The following AMZ2 variants were observed in gnomAD, a reference collection of about 807,000 sequenced individuals.
AMZ2 encodes archaelysin family metallopeptidase 2.
A neutral mutation model predicts 36.7 loss-of-function variants in AMZ2; 26 were observed. The observed-to-expected ratio is 0.71, with a 90% CI of 0.52 to 0.98. The LOEUF (loss-of-function observed/expected upper bound fraction) is 0.98, where lower values mean the gene tolerates loss of function less well. AMZ2 is among the 50% of genes least tolerant of loss of function. The pLI is 0.00. For synonymous variants in AMZ2, 144 were observed against 149.1 expected, an observed-to-expected ratio of 0.97 and a Z score of 0.25; for missense variants, 394 against 430.5, an observed-to-expected ratio of 0.92 and a Z score of 0.75.
intron 2 of AMZ2, 146 bp downstream of exon 2, chr17:68,250,616 C>A: frequency 8.0e-7 from 1 of 1,250,856 alleles, no homozygotes; most frequent in African/African-American, 1.5e-5. Flanking sequence ...TGTAGCCAAA[C>A]TGACTTAAAA....
chr17:68,246,092 G>A (rs1206409546), upstream of AMZ2, among the ~76,000 whole-genome samples: 1 of 151,426 alleles, frequency 6.6e-6, no homozygotes, highest in Non-Finnish European at 1.5e-5. Context: ...GATCACCTGA[G>A]GTCAGGAGTT....
At chr17:68,246,755 C>T (rs1555735670), upstream of AMZ2, 4 of 152,118 alleles carry the variant, frequency 2.6e-5, no homozygotes. Flanking sequence ...AAGAGATCCT[C>T]GAAGTTGAAA....
At chr17:68,238,714 CT>C (rs1445416484) in intron 1 of AMZ2, among the ~76,000 whole-genome samples, 2 of 152,146 alleles carry the variant, frequency 1.3e-5, no homozygotes, top group Non-Finnish European at 2.9e-5. Flanking sequence ...TTACTGACTG[CT>C]TTGCGATTTG....
At chr17:68,238,729 C>CA (rs1431120915) in intron 1 of AMZ2, among the ~76,000 whole-genome samples, 2 of 152,140 alleles carry the variant, frequency 1.3e-5, no homozygotes, top group African/African-American at 2.4e-5. Context: ...CGATTTGTAG[C>CA]ATGACTGCTG....
intron 1 of AMZ2, chr17:68,206,881 A>C (rs1173209666): frequency 6.5e-6 from 1 of 153,426 alleles, no homozygotes; most frequent in Non-Finnish European, 1.4e-5. Context: ...GGGCCTGTGC[A>C]ACAGTTGCTG....
chr17:68,243,849 C>A (rs1424810041), upstream of AMZ2, among the ~76,000 whole-genome samples: 7 of 152,094 alleles, frequency 4.6e-5, no homozygotes, highest in Non-Finnish European at 8.8e-5. Flanking sequence ...AATAAATGAA[C>A]CTAACTATAT....
In AMZ2 at chr17:68,252,391, G is replaced by A. The variant is rs534869980; in HGVS notation, c.586+1213G>A. Among the ~76,000 whole-genome samples, 27 of 152,334 alleles carry A rather than the reference G, an allele frequency of 1.8e-4. 1 individual carries two copies. The South Asian group carries it at 5.2e-3, about 29-fold the overall frequency. On this transcript the variant is annotated intron_variant, in intron 4 of 6. Coordinates refer to ENST00000359904, the MANE Select transcript of AMZ2 (RefSeq NM_016627.5). ...CCTACCAGCATGCACTCTTGGAGAC[G>A]TGGGTCACTACTTTCTTACTGATTT...
At chr17:68,250,593 G>A in intron 2 of AMZ2, 123 bp downstream of exon 2, 1 of 1,350,674 alleles carries the variant, frequency 7.4e-7, no homozygotes, top group Non-Finnish European at 1.0e-6. Context: ...ATTCATTGCG[G>A]CGGTACAAGT....
At chr17:68,252,048 T>G (rs1397376076) in intron 4 of AMZ2, among the ~76,000 whole-genome samples, 1 of 152,034 alleles carries the variant, frequency 6.6e-6, no homozygotes, top group African/African-American at 2.4e-5. Context: ...TCTCTCTACT[T>G]CTCCCCTCCC....
chr17:68,246,974 C>CG (rs201448085), upstream of AMZ2: 12,446 of 148,622 alleles, frequency 0.084, 712 homozygotes, highest in Non-Finnish European at 0.12. Context: ...GACCGGGGTG[C>CG]GGGGGGGTGG....
upstream of AMZ2, chr17:68,246,870 G>T (rs2074036534): frequency 6.6e-6 from 1 of 152,272 alleles, no homozygotes; most frequent in Admixed American, 6.5e-5. Context: ...AGGAGAATTA[G>T]GATGACGAAA....
intron 1 of AMZ2, among the ~76,000 whole-genome samples, chr17:68,233,508 CAAAAAAA>C (rs35601824): frequency 3.8e-5 from 3 of 78,494 alleles, no homozygotes; most frequent in East Asian, 4.3e-4. Flanking sequence ...AACTATGTCT[CAAAAAAA>C]AAAAAAAAAA....
intron 1 of AMZ2, among the ~76,000 whole-genome samples, chr17:68,222,386 C>G (rs2073390438): frequency 6.6e-6 from 1 of 152,208 alleles, no homozygotes; most frequent in Admixed American, 6.5e-5. Context: ...GGAGATTGTT[C>G]TAGGGCAGTG....
intron 1 of AMZ2, among the ~76,000 whole-genome samples, chr17:68,234,280 C>G (rs1706644551): frequency 1.3e-5 from 2 of 150,782 alleles, no homozygotes; most frequent in African/African-American, 4.9e-5. Context: ...AAGACTCCAT[C>G]TCTAAAAAAA....
intron 1 of AMZ2, among the ~76,000 whole-genome samples, chr17:68,236,454 AT>A (rs1313554945): frequency 6.6e-6 from 1 of 152,046 alleles, no homozygotes; most frequent in East Asian, 1.9e-4. Flanking sequence ...GTTAAAAAAA[AT>A]AAAGCTAGTA....
chr17:68,212,902 A>G (rs2073103750), intron 1 of AMZ2, among the ~76,000 whole-genome samples: 1 of 152,050 alleles, frequency 6.6e-6, no homozygotes, highest in Non-Finnish European at 1.5e-5. Context: ...TGGTTCCACA[A>G]CTTCCTTTTT....
At chr17:68,247,771 A>G, upstream of AMZ2, 1 of 985,530 alleles carries the variant, frequency 1.0e-6, no homozygotes, top group Non-Finnish European at 1.2e-6. Context: ...GTGGCTCTCG[A>G]GAACCGGGCC....
rs538655643 is a variant in AMZ2, at chr17:68,256,850, A to G, written c.964A>G (p.Thr322Ala). ...GTGGATTGATGATGAATCTTCTGAC[A>G]CACCTGGAGCAACTCCAGAACACAG... Reference protein sequence around the residue: ...VRWIDDESSDTPGATPEHSHE... With the variant: ...VRWIDDESSDAPGATPEHSHE... The change falls in exon 7 of 7, where the codon ACA (threonine) becomes GCA (alanine). Residue 322 changes from threonine (T) to alanine (A), a missense_variant. Coordinates refer to ENST00000359904, the MANE Select transcript of AMZ2 (RefSeq NM_016627.5). 3.1e-6 allele frequency: 5 copies of G among 1,613,950 alleles called. No individual in the cohort carries two copies. The highest frequency in any genetic ancestry group is 1.1e-5 in the South Asian group (1 of 91,006).
At chr17:68,250,756 T>C (rs781909565) in intron 2 of AMZ2, 38 bp from the exon 3 acceptor site, 158 of 1,506,486 alleles carry the variant, frequency 1.0e-4, no homozygotes, top group Middle Eastern at 4.8e-4. Context: ...TGAATAATCA[T>C]CTTAAAGTCT....
Sources: gnomAD v4.1 joint callset for allele counts (sites outside exome capture counted in the v4.1 genomes callset) on GRCh38, gnomAD v4.1.1 for gene constraint, MANE v1.5 for transcripts, NCBI Gene and HGNC (gene_info 2026-07-23, HGNC 2026-07-21) for gene names.